The following COL6A6 variants were observed in gnomAD, a reference collection of about 807,000 sequenced individuals.
COL6A6 encodes collagen type VI alpha 6 chain, also known as collagen alpha-6(VI) chain.
A neutral mutation model predicts 208.6 loss-of-function variants in COL6A6; 183 were observed. That is an observed-to-expected ratio of 0.88 (90% CI 0.78 to 0.99). The LOEUF (loss-of-function observed/expected upper bound fraction) is 0.99, where lower values mean the gene tolerates loss of function less well. Among genes scored for constraint, COL6A6 ranks in the 50% least tolerant of loss-of-function variants. The pLI is 0.00. For synonymous variants in COL6A6, 973 were observed against 1,011.8 expected (o/e 0.96, Z 0.73); for missense variants, 2,816 against 2,815.2 (o/e 1.00, Z -0.01).
chr3:130,561,944 G>GC (rs2062899329), intron 2 of COL6A6, among the ~76,000 whole-genome samples: 1 of 152,068 alleles, frequency 6.6e-6, no homozygotes, highest in African/African-American at 2.4e-5. Flanking sequence ...GAGCCACCGC[G>GC]CCCGGCTGAA....
rs200864731 is a variant in COL6A6, at chr3:130,568,295, A to G, written c.2092A>G (p.Thr698Ala). ...AGACCAAATGGCTCACATTGGACAA[A>G]CCACCCTGACTGGTAGTGCCCTGAG... The part of the protein sequence containing the change: ...AIDQMAHIGQ[T>A]TLTGSALSFV... The change falls in exon 6 of 37, where the codon ACC becomes GCC. Residue 698 changes from threonine (T) to alanine (A), a missense_variant. By Grantham distance (58) the Thr-to-Ala change is moderately conservative. Transcript: ENST00000358511. The G allele has an allele frequency of 1.2e-6, 2 of 1,614,018 alleles. No homozygotes were observed. Among genetic ancestry groups the G allele is most frequent in the Admixed American group, 3.3e-5 (2 of 60,032 alleles).
At chr3:130,626,636 G>C in intron 25 of COL6A6, 89 bp downstream of exon 25, 1 of 894,036 alleles carries the variant, frequency 1.1e-6, no homozygotes, top group East Asian at 2.4e-5. Context: ...AGAGTTTTAA[G>C]GATACAATCC....
At chr3:130,526,256 G>C (rs2061959814) in intron 1 of COL6A6, among the ~76,000 whole-genome samples, 2 of 152,094 alleles carry the variant, frequency 1.3e-5, no homozygotes, top group African/African-American at 4.8e-5. Flanking sequence ...AGGAGAATAT[G>C]AGTCCCTCTT....
intron 28 of COL6A6, among the ~76,000 whole-genome samples, chr3:130,636,650 A>G (rs755715172): frequency 2.6e-5 from 4 of 151,888 alleles, no homozygotes; most frequent in Non-Finnish European, 4.4e-5. Context: ...TGTTTCTACA[A>G]ACTATACGAT....
intron 36 of COL6A6, among the ~76,000 whole-genome samples, chr3:130,671,478 A>C (rs1286754578): frequency 6.6e-6 from 1 of 152,216 alleles, no homozygotes; most frequent in African/African-American, 2.4e-5. Flanking sequence ...GAATTGAGAC[A>C]TGAAATCCAT....
At chr3:130,594,369 GT>G in intron 18 of COL6A6, 26 bp downstream of exon 18, 1 of 1,592,234 alleles carries the variant, frequency 6.3e-7, no homozygotes, top group Non-Finnish European at 8.6e-7. Flanking sequence ...GCAAACTGGA[GT>G]TAGGGCTTGA....
At position 130,581,657 on chromosome 3, in the gene COL6A6, A is replaced by G. The variant is rs1372048805; in HGVS notation, c.3644A>G (p.Gln1215Arg). Residue 1215 changes from glutamine (Q) to arginine (R), a missense_variant, in exon 9 of 37, where the codon CAA becomes CGA. By Grantham distance (43) the Gln-to-Arg change is conservative. Transcript: ENST00000358511. ...EGQPWMETYL[Q>R]DILRAISSLN... ...CAGCCTTGGATGGAAACCTACCTTC[A>G]AGACATCTTACGTGCCATCAGCTCC... 6.2e-7 allele frequency: 1 copy of G among 1,613,910 alleles called. No homozygotes were observed. The highest frequency in any genetic ancestry group is 8.5e-7 in the Non-Finnish European group (1 of 1,179,870).
At chr3:130,561,988 C>T (rs2107858403) in intron 2 of COL6A6, among the ~76,000 whole-genome samples, 1 of 152,304 alleles carries the variant, frequency 6.6e-6, no homozygotes, top group Non-Finnish European at 1.5e-5. Context: ...AACTAAGGCC[C>T]AAGTGTATTG....
At chr3:130,597,202 T>C (rs1405937259) in intron 18 of COL6A6, among the ~76,000 whole-genome samples, 2 of 152,214 alleles carry the variant, frequency 1.3e-5, no homozygotes, top group Non-Finnish European at 2.9e-5. Flanking sequence ...TTTTCTGATA[T>C]TGTAATTGAG....
At chr3:130,521,301 C>T (rs1490213934) in intron 1 of COL6A6, among the ~76,000 whole-genome samples, 1 of 152,170 alleles carries the variant, frequency 6.6e-6, no homozygotes, top group African/African-American at 2.4e-5. Context: ...CTAAAATTCT[C>T]CATTATATGC....
chr3:130,652,442 T>A (rs1487582253), intron 33 of COL6A6, among the ~76,000 whole-genome samples: 2 of 152,122 alleles, frequency 1.3e-5, no homozygotes, highest in Non-Finnish European at 2.9e-5. Context: ...GAGTCAGAGA[T>A]GAAGTCAGAA....
At chr3:130,518,326 C>G (rs908607046) in intron 1 of COL6A6, among the ~76,000 whole-genome samples, 3 of 152,060 alleles carry the variant, frequency 2.0e-5, no homozygotes, top group Non-Finnish European at 4.4e-5. Context: ...AGTCATGTTA[C>G]TTTTTCTAAA....
chr3:130,542,250 TATTC>T (rs964652146), intron 1 of COL6A6, among the ~76,000 whole-genome samples: 9 of 152,184 alleles, frequency 5.9e-5, no homozygotes, highest in African/African-American at 2.2e-4. Flanking sequence ...ATTTTCATTT[TATTC>T]ATCTTTTAAT....
chr3:130,538,285 G>C (rs2062272524), intron 1 of COL6A6, among the ~76,000 whole-genome samples: 1 of 152,120 alleles, frequency 6.6e-6, no homozygotes, highest in South Asian at 2.1e-4. Context: ...TTGGAAATCT[G>C]CAAAATATTA....
rs547815824 is a variant in COL6A6, at chr3:130,585,327, A to T, written c.3971-1179A>T. ...CTATCTGGGTAAAAAACCTAAAAATACCACTTACAGGCAGTCATTTAACCT... is the reference window on the plus strand; with the variant it reads ...CTATCTGGGTAAAAAACCTAAAAATTCCACTTACAGGCAGTCATTTAACCT... On this transcript the variant is annotated intron_variant, in intron 10 of 36. Transcript: ENST00000358511. Among the ~76,000 whole-genome samples the T allele has an allele frequency of 1.2e-4, 19 of 152,334 alleles. No homozygotes were observed. In the South Asian group the frequency reaches 3.7e-3, roughly 30 times the overall value.
intron 33 of COL6A6, among the ~76,000 whole-genome samples, chr3:130,650,285 A>T (rs1299865700): frequency 6.6e-6 from 1 of 151,786 alleles, no homozygotes; most frequent in Non-Finnish European, 1.5e-5. Context: ...GAGACCGTGA[A>T]GGGGGGGGCC....
intron 22 of COL6A6, 26 bp from the exon 23 acceptor site, chr3:130,610,623 A>T: frequency 1.3e-6 from 2 of 1,534,758 alleles, no homozygotes; most frequent in Non-Finnish European, 8.9e-7. Flanking sequence ...TAGGCAAAAA[A>T]TAATGCTTTA....
At chr3:130,673,640 A>ATT in intron 36 of COL6A6, among the ~76,000 whole-genome samples, 1 of 152,110 alleles carries the variant, frequency 6.6e-6, no homozygotes, top group East Asian at 1.9e-4. Flanking sequence ...TTGAGTTTAT[A>ATT]ATGTTCACTC....
At chr3:130,652,453 T>C (rs975629988) in intron 33 of COL6A6, among the ~76,000 whole-genome samples, 16 of 152,188 alleles carry the variant, frequency 1.1e-4, no homozygotes, top group Admixed American at 7.2e-4. Flanking sequence ...GAAGTCAGAA[T>C]TGCTCCCAAG....
Sources: gnomAD v4.1 joint callset for allele counts (sites outside exome capture counted in the v4.1 genomes callset) on GRCh38, gnomAD v4.1.1 for gene constraint, MANE v1.5 for transcripts, NCBI Gene and HGNC (gene_info 2026-07-23, HGNC 2026-07-21) for gene names.